SLC43A3: variants seen among roughly 807,000 people sequenced by gnomAD.
SLC43A3 encodes solute carrier family 43 member 3.
Under a neutral mutation model 53.3 loss-of-function variants are expected in SLC43A3, and 33 were observed. That is an observed-to-expected ratio of 0.62 (90% CI 0.47 to 0.83). The LOEUF (loss-of-function observed/expected upper bound fraction) is 0.83. Ranked by LOEUF, SLC43A3 falls within the 40% of genes least tolerant of loss-of-function variation. SLC43A3 has a pLI of 0.00. For synonymous variants in SLC43A3, 236 were observed against 246.2 expected (o/e 0.96, Z 0.39); for missense variants, 530 against 610.0 (o/e 0.87, Z 1.38).
intron 11 of SLC43A3, among the ~76,000 whole-genome samples, chr11:57,414,359 T>C (rs1282858434): frequency 6.6e-6 from 1 of 151,496 alleles, no homozygotes; most frequent in East Asian, 1.9e-4. Context: ...AGACAAAAAT[T>C]AGTGGGGGAT....
At chr11:57,415,494 C>T (rs947387503) in intron 9 of SLC43A3, 2 of 921,162 alleles carry the variant, frequency 2.2e-6, no homozygotes, top group African/African-American at 3.4e-5. Context: ...ACCTGCTCCT[C>T]AGCACCTCCC....
chr11:57,415,457 G>A (rs1365478651), intron 9 of SLC43A3: 2 of 1,269,932 alleles, frequency 1.6e-6, no homozygotes, highest in East Asian at 5.2e-5. Flanking sequence ...GAAGGGAGAG[G>A]AGAATGAGTG....
chr11:57,413,294 G>A (rs536960376), intron 11 of SLC43A3, among the ~76,000 whole-genome samples: 7 of 152,266 alleles, frequency 4.6e-5, no homozygotes, highest in African/African-American at 1.7e-4. Flanking sequence ...ACACTGCATG[G>A]ACCAGGCATG....
At chr11:57,426,847 A>AC (rs1345722390) in intron 1 of SLC43A3, 195 bp from the exon 2 acceptor site, 4 of 152,086 alleles carry the variant, frequency 2.6e-5, no homozygotes, top group African/African-American at 9.7e-5. Context: ...TGCCAGAAAT[A>AC]CCCCCAACTC....
At chr11:57,408,151 A>G in intron 13 of SLC43A3, 1 of 394,526 alleles carries the variant, frequency 2.5e-6, no homozygotes, top group Non-Finnish European at 4.7e-6. Flanking sequence ...AGGCCTAGCG[A>G]GCATTCAATG....
chr11:57,426,374 T>G (rs1943197341), intron 2 of SLC43A3, 22 bp from the exon 3 acceptor site: 2 of 580,096 alleles, frequency 3.4e-6, no homozygotes, highest in Non-Finnish European at 6.1e-6. Context: ...AGATAGAGGC[T>G]GCTGGAAGAG....
intron 7 of SLC43A3, among the ~76,000 whole-genome samples, chr11:57,418,210 C>A (rs771032399): frequency 7.2e-5 from 11 of 152,092 alleles, no homozygotes; most frequent in Non-Finnish European, 1.3e-4. Flanking sequence ...TGGCATACAC[C>A]TGTAGTGCCA....
chr11:57,422,625 T>G (rs1040790358), intron 5 of SLC43A3, among the ~76,000 whole-genome samples: 3 of 152,216 alleles, frequency 2.0e-5, no homozygotes, highest in African/African-American at 4.8e-5. Context: ...CTACTAAAGG[T>G]TGGAGACTCC....
chr11:57,407,988 A>G (rs1565092413), intron 13 of SLC43A3, 92 bp from the exon 14 acceptor site: 14 of 815,804 alleles, frequency 1.7e-5, no homozygotes, highest in Non-Finnish European at 2.1e-6. Context: ...TTCCATGACC[A>G]ATGAAGGGAC....
chr11:57,414,506 CAAAAAAAAAAAAA>C (rs397849571), intron 11 of SLC43A3, 96 bp downstream of exon 11: 5 of 288,428 alleles, frequency 1.7e-5, no homozygotes, highest in South Asian at 4.7e-5. Flanking sequence ...GACTCTATCA[CAAAAAAAAAAAAA>C]AAAAAAAAAA....
At chr11:57,411,860 T>C (rs1207719225) in intron 11 of SLC43A3, among the ~76,000 whole-genome samples, 2 of 152,138 alleles carry the variant, frequency 1.3e-5, no homozygotes, top group Non-Finnish European at 2.9e-5. Context: ...TATATGTGTA[T>C]GTACATTTAC....
chr11:57,421,486 A>G, intron 5 of SLC43A3, 113 bp from the exon 6 acceptor site: 1 of 746,940 alleles, frequency 1.3e-6, no homozygotes. Flanking sequence ...TCCAGGCCCC[A>G]ATTCTAGCCA....
chr11:57,414,758 G>T, intron 10 of SLC43A3, 27 bp from the exon 11 acceptor site: 1 of 1,593,110 alleles, frequency 6.3e-7, no homozygotes, highest in Non-Finnish European at 8.6e-7. Context: ...GAGGTTGGTT[G>T]ATGAGAAGTT....
intron 4 of SLC43A3, among the ~76,000 whole-genome samples, chr11:57,425,273 G>C (rs916036544): frequency 2.0e-5 from 3 of 152,204 alleles, no homozygotes; most frequent in Non-Finnish European, 4.4e-5. Context: ...CCTGGCCTCC[G>C]GCTCAATTCA....
rs551721957 is a variant in SLC43A3 at position 57,426,230 on chromosome 11, C to T, written c.-58G>A. 7.8e-6 allele frequency: 12 copies of T among 1,538,332 alleles called. No individual in the cohort carries two copies. The Admixed American group carries it at 2.2e-4, about 28-fold the overall frequency. Reference sequence around the variant, plus strand: ...TTTGTCCTCCTGGACGGATCACAGGCGCCGTAAGCCTGGCGTTTGAGCACT... The same window carrying T: ...TTTGTCCTCCTGGACGGATCACAGGTGCCGTAAGCCTGGCGTTTGAGCACT... On this transcript the variant is annotated 5_prime_UTR_variant, in exon 3 of 14. Transcript: ENST00000395124.
Position 57,426,292 on chromosome 11 carries a change from C to T in SLC43A3, c.-120G>A, listed in dbSNP as rs1390124047. ...TCTGGCAAGCCAAGCCCTTCCTTTC[C>T]CGTAGCTCTCTGGTTGTTTCAGGCC... is the stretch of plus-strand genomic sequence containing the variant. On this transcript the variant is annotated 5_prime_UTR_variant, in exon 3 of 14. Coordinates refer to ENST00000395124, the MANE Select transcript of SLC43A3 (RefSeq NM_199329.3). The T allele has an allele frequency of 3.3e-6, 3 of 905,366 alleles. No homozygotes were observed. The highest frequency in any genetic ancestry group is 5.0e-6 in the Non-Finnish European group (3 of 603,124). 56.1% of individuals were successfully genotyped at this position (905,366 alleles called of 1,614,324 possible). A position where few individuals can be genotyped will look rare whatever the true frequency, so the allele number is the denominator to read the frequency against.
At position 57,424,033 on chromosome 11, in the gene SLC43A3, AAC is replaced by A. The variant is rs752198368; in HGVS notation, c.315-7_315-6del. On this transcript the variant is annotated splice_polypyrimidine_tract_variant and splice_region_variant and intron_variant, in intron 4 of 13. Transcript: ENST00000395124. ...GTGGCGGTGGTGTAGAAAAATCTGAAACACATAACAGGAAAAGCAGAATATTG... is the reference window on the plus strand; with the variant it reads ...GTGGCGGTGGTGTAGAAAAATCTGAAACATAACAGGAAAAGCAGAATATTG... 6.2e-7 allele frequency: 1 copy of A among 1,613,930 alleles called. No homozygotes were observed. Among genetic ancestry groups the A allele is most frequent in the Admixed American group, 1.7e-5 (1 of 60,020 alleles).
At chr11:57,418,554 G>A (rs1015919562) in intron 7 of SLC43A3, among the ~76,000 whole-genome samples, 4 of 151,928 alleles carry the variant, frequency 2.6e-5, no homozygotes, top group Non-Finnish European at 5.9e-5. Context: ...AAATCAGCTG[G>A]GCGTGATGGT....
Position 57,416,771 on chromosome 11 carries a change from C to T in SLC43A3, c.672-101G>A, listed in dbSNP as rs548885801. Reference sequence around the variant, plus strand: ...ATGGTGAATCCCACATTCCACCGCACTTTGGAATCACCTTTTAGCCACTCT... The same window carrying T: ...ATGGTGAATCCCACATTCCACCGCATTTTGGAATCACCTTTTAGCCACTCT... On this transcript the variant is annotated intron_variant, in intron 8 of 13. Coordinates refer to ENST00000395124, the MANE Select transcript of SLC43A3 (RefSeq NM_199329.3). 2.4e-5 allele frequency: 22 copies of T among 898,958 alleles called. No individual in the cohort carries two copies. The Admixed American group carries it at 4.3e-4, about 17-fold the overall frequency. The allele number at this position is 898,958 out of a possible 1,614,324, so 55.7% of individuals were successfully genotyped here.
Sources: allele counts gnomAD v4.1 joint callset (sites outside exome capture counted in the v4.1 genomes callset), GRCh38; gene constraint gnomAD v4.1.1; transcripts MANE v1.5; gene names NCBI Gene and HGNC (gene_info 2026-07-23, HGNC 2026-07-21).